Variants in ROR1 observed in about 807,000 individuals in gnomAD.
The protein encoded by ROR1 is ROR family WNT receptor 1, also known as inactive tyrosine-protein kinase transmembrane receptor ROR1.
ROR1 carries 19 observed loss-of-function variants against 78.8 expected under a neutral mutation model. That is an observed-to-expected ratio of 0.24 (90% CI 0.17 to 0.35). The LOEUF is 0.35. Ranked by LOEUF, ROR1 falls within the 10% of genes least tolerant of loss-of-function variation. ROR1 has a pLI of 1.00. For synonymous variants in ROR1, 386 were observed against 433.6 expected, an observed-to-expected ratio of 0.89 and a Z score of 1.36; for missense variants, 917 against 1,177.8, an observed-to-expected ratio of 0.78 and a Z score of 3.24.
chr1:63,795,027 G>A (rs1644751446), intron 1 of ROR1, among the ~76,000 whole-genome samples: 1 of 152,188 alleles, frequency 6.6e-6, no homozygotes, highest in African/African-American at 2.4e-5. Context: ...CTGCCTGTGT[G>A]TGCAGAGCCT....
chr1:64,128,291 C>CAAAAAAAAAAA (rs72429774), intron 4 of ROR1, among the ~76,000 whole-genome samples: 1 of 101,280 alleles, frequency 9.9e-6, no homozygotes, highest in Non-Finnish European at 1.8e-5. Flanking sequence ...CCTGTCTCTA[C>CAAAAAAAAAAA]AAAAAAAAAA....
intron 1 of ROR1, among the ~76,000 whole-genome samples, chr1:63,807,865 T>C (rs900766252): frequency 3.9e-5 from 6 of 152,170 alleles, no homozygotes; most frequent in African/African-American, 1.4e-4. Flanking sequence ...TTTCAGTTCA[T>C]AGTAATAACT....
chr1:63,991,245 C>T (rs1335378768), intron 1 of ROR1, among the ~76,000 whole-genome samples: 1 of 152,060 alleles, frequency 6.6e-6, no homozygotes, highest in Non-Finnish European at 1.5e-5. Context: ...CCACCGTGCC[C>T]AGCCTAAAAG....
intron 1 of ROR1, among the ~76,000 whole-genome samples, chr1:63,868,930 A>G (rs1423445505): frequency 6.6e-6 from 1 of 152,204 alleles, no homozygotes; most frequent in Non-Finnish European, 1.5e-5. Flanking sequence ...TATGCAATCA[A>G]ATTGTGAGAT....
intron 1 of ROR1, among the ~76,000 whole-genome samples, chr1:63,797,931 C>G (rs573327303): frequency 1.3e-5 from 2 of 150,884 alleles, no homozygotes; most frequent in East Asian, 4.0e-4. Context: ...TTCCTTTTCA[C>G]TAAATACTGC....
intron 4 of ROR1, among the ~76,000 whole-genome samples, chr1:64,101,172 A>G (rs936158672): frequency 2.0e-5 from 3 of 152,176 alleles, no homozygotes; most frequent in African/African-American, 7.2e-5. Context: ...CTGTGCAGAA[A>G]GTAAACAGGG....
chr1:63,945,892 A>G (rs1645883656), intron 1 of ROR1, among the ~76,000 whole-genome samples: 1 of 152,232 alleles, frequency 6.6e-6, no homozygotes, highest in South Asian at 2.1e-4. Context: ...GGTGCTAGTG[A>G]TAATTTTAGT....
At chr1:63,977,558 C>T (rs1460624482) in intron 1 of ROR1, among the ~76,000 whole-genome samples, 1 of 152,058 alleles carries the variant, frequency 6.6e-6, no homozygotes, top group African/African-American at 2.4e-5. Context: ...TAGTACTGAC[C>T]TTGTAGGATT....
chr1:64,073,289 A>C (rs1747924), intron 4 of ROR1, among the ~76,000 whole-genome samples: 45,428 of 151,996 alleles, frequency 0.3, 8,508 homozygotes, highest in African/African-American at 0.53. Context: ...CCAATCAGTC[A>C]GAAGATCCAA....
intron 1 of ROR1, among the ~76,000 whole-genome samples, chr1:63,982,810 G>T (rs1006429937): frequency 1.3e-5 from 2 of 152,098 alleles, no homozygotes; most frequent in African/African-American, 4.8e-5. Context: ...AACCAGTGGA[G>T]TAGTGTGAAG....
chr1:64,107,071 CAT>C (rs1283340176), intron 4 of ROR1: 1 of 152,336 alleles, frequency 6.6e-6, no homozygotes, highest in African/African-American at 2.4e-5. Context: ...ACTTTCCTCA[CAT>C]GATTGTTGAA....
Position 63,860,229 on chromosome 1 carries a change from C to T in ROR1, c.91+85721C>T, listed in dbSNP as rs577478658. ...TGACACTGAGTAATATATATTGTAG[C>T]TGTTCAATAAAACTTTATTGGATTT... is the stretch of plus-strand genomic sequence containing the variant. On this transcript the variant is annotated intron_variant, in intron 1 of 8. Transcript: ENST00000371079. Among the ~76,000 whole-genome samples the T allele has an allele frequency of 7.9e-5, 12 of 152,230 alleles. No homozygotes were observed. In the East Asian group the frequency reaches 2.3e-3, roughly 29 times the overall value.
intron 1 of ROR1, among the ~76,000 whole-genome samples, chr1:63,854,066 T>C (rs1394181553): frequency 6.6e-6 from 1 of 152,226 alleles, no homozygotes; most frequent in Non-Finnish European, 1.5e-5. Context: ...TGATAATGAA[T>C]GTTCCTTCTA....
chr1:63,778,967 A>G (rs1644634351), intron 1 of ROR1, among the ~76,000 whole-genome samples: 1 of 152,242 alleles, frequency 6.6e-6, no homozygotes, highest in African/African-American at 2.4e-5. Flanking sequence ...GTTTTCCAAC[A>G]GCAGCAAAGG....
chr1:64,050,223 C>T (rs181148689), intron 3 of ROR1, among the ~76,000 whole-genome samples: 1 of 152,328 alleles, frequency 6.6e-6, no homozygotes, highest in East Asian at 1.9e-4. Flanking sequence ...TTTCTGACCT[C>T]AGAGCCCCTA....
chr1:64,130,419 A>G (rs1648871692), intron 4 of ROR1, among the ~76,000 whole-genome samples: 1 of 152,130 alleles, frequency 6.6e-6, no homozygotes, highest in Admixed American at 6.6e-5. Flanking sequence ...TAATCTCTTG[A>G]CCACAGCCAG....
At chr1:63,915,753 G>A (rs1371386092) in intron 1 of ROR1, among the ~76,000 whole-genome samples, 1 of 152,090 alleles carries the variant, frequency 6.6e-6, no homozygotes, top group Admixed American at 6.6e-5. Context: ...CAGAAAGATT[G>A]GCAGGGGGTG....
At chr1:63,963,589 A>AC (rs988211385) in intron 1 of ROR1, among the ~76,000 whole-genome samples, 62 of 151,182 alleles carry the variant, frequency 4.1e-4, no homozygotes, top group African/African-American at 1.4e-3. Flanking sequence ...AACAAAACAA[A>AC]AAAAAAAACA....
In ROR1 at chr1:64,179,065, G is replaced by A; in HGVS notation, c.*210G>A. ...AAAAAAACAAGCAAACAAAAACATTGTGGGATGTGCACTCCATTGGAGTGC... is the reference window on the plus strand; with the variant it reads ...AAAAAAACAAGCAAACAAAAACATTATGGGATGTGCACTCCATTGGAGTGC... On this transcript the variant is annotated 3_prime_UTR_variant, in exon 9 of 9. Transcript: ENST00000371079. The A allele has an allele frequency of 1.9e-6, 1 of 522,274 alleles. No individual in the cohort carries two copies. The highest frequency in any genetic ancestry group is 3.3e-6 in the Non-Finnish European group (1 of 299,086). 32.4% of individuals were successfully genotyped at this position (522,274 alleles called of 1,614,324 possible).
Sources: allele counts gnomAD v4.1 joint callset (sites outside exome capture counted in the v4.1 genomes callset), GRCh38; gene constraint gnomAD v4.1.1; transcripts MANE v1.5; gene names NCBI Gene and HGNC (gene_info 2026-07-23, HGNC 2026-07-21).